NOTCH1: variants seen among roughly 807,000 people sequenced by gnomAD.
The protein encoded by NOTCH1 is notch receptor 1.
Under a neutral mutation model 254.8 loss-of-function variants are expected in NOTCH1, and 37 were observed. That is an observed-to-expected ratio of 0.15 (90% CI 0.11 to 0.19). The LOEUF is 0.19. Ranked by LOEUF, NOTCH1 falls within the 10% of genes least tolerant of loss-of-function variation. The probability of loss-of-function intolerance (pLI) is 1.00; values close to 1 mark genes in which losing one functional copy is unlikely to be tolerated. For synonymous variants in NOTCH1, 1,731 were observed against 1,618.1 expected (o/e 1.07, Z -1.68); for missense variants, 2,972 against 3,708.6 (o/e 0.80, Z 5.16).
chr9:136,508,784 G>T, intron 19 of NOTCH1, 86 bp downstream of exon 19: 2 of 1,292,278 alleles, frequency 1.5e-6, no homozygotes, highest in Non-Finnish European at 1.0e-6. Context: ...GACACAGTGG[G>T]ACCTGGGGTG....
At chr9:136,528,207 G>A (rs1354578184) in intron 2 of NOTCH1, among the ~76,000 whole-genome samples, 1 of 147,938 alleles carries the variant, frequency 6.8e-6, no homozygotes, top group Non-Finnish European at 1.5e-5. Context: ...CAGGGATGGG[G>A]GCACAGGCAG....
chr9:136,522,766 C>A (rs530877953), intron 4 of NOTCH1, 84 bp downstream of exon 4: 11 of 1,312,034 alleles, frequency 8.4e-6, no homozygotes, highest in African/African-American at 1.5e-5. Context: ...CCAGGGCTGC[C>A]CCTACACCAG....
At position 136,502,480 on chromosome 9, in the gene NOTCH1, C is replaced by T. The variant is rs995707317; in HGVS notation, c.5176G>A (p.Val1726Met). ...YKIEAVQSET[V>M]EPPPPAQLHF... Reference sequence around the variant, plus strand: ...AGCTGCGCCGGCGGGGGCGGCTCCACGGTCTCACCTGCGGGCACGGGGGCC... The same window carrying T: ...AGCTGCGCCGGCGGGGGCGGCTCCATGGTCTCACCTGCGGGCACGGGGGCC... Residue 1726 changes from valine (V) to methionine (M), a missense_variant, in exon 28 of 34, where the codon GTG (valine) becomes ATG (methionine). Val to Met is a conservative substitution (Grantham distance 21). Around this residue, in one of 8 missense-constraint regions of NOTCH1, gnomAD observed 421 missense variants for 604.4 expected, o/e 0.70. Transcript: ENST00000651671. 29 of 1,564,538 alleles carry T rather than the reference C, an allele frequency of 1.9e-5. No homozygotes were observed. Among genetic ancestry groups the T allele is most frequent in the Non-Finnish European group, 2.2e-5 (25 of 1,157,726 alleles).
At position 136,518,664 on chromosome 9, in the gene NOTCH1, G is replaced by A. The variant is rs755895298; in HGVS notation, c.1026C>T (p.Ala342=). 3.5e-5 allele frequency: 57 copies of A among 1,612,238 alleles called. No homozygotes were observed. The highest frequency in any genetic ancestry group is 1.3e-4 in the Admixed American group (8 of 59,968). The change falls in exon 6 of 34, where the codon GCC becomes GCT. Residue 342 remains alanine (A), a synonymous_variant. Transcript: ENST00000651671. Reference sequence around the variant, plus strand: ...GGCAGGTGGCGCCGTGGAAGCAGGCGGCGCTGGCACAGTCATCAATGTTCT... The same window carrying A: ...GGCAGGTGGCGCCGTGGAAGCAGGCAGCGCTGGCACAGTCATCAATGTTCT... ...CSENIDDCAS[A]ACFHGATCHD... is the part of the protein sequence containing the mutation.
At chr9:136,510,842 C>T in intron 16 of NOTCH1, 37 bp from the exon 17 acceptor site, 2 of 1,603,120 alleles carry the variant, frequency 1.2e-6, no homozygotes, top group South Asian at 1.1e-5. Context: ...TCACCAGCGG[C>T]CCCTGGCCCT....
chr9:136,505,180 T>G, intron 25 of NOTCH1, 76 bp from the exon 26 acceptor site: 1 of 1,545,430 alleles, frequency 6.5e-7, no homozygotes, highest in Non-Finnish European at 8.8e-7. Context: ...TCCAGCCCAC[T>G]GGCCAGCCGC....
chr9:136,542,097 G>T (rs772898232), intron 2 of NOTCH1, among the ~76,000 whole-genome samples: 4 of 152,230 alleles, frequency 2.6e-5, no homozygotes, highest in African/African-American at 4.8e-5. Context: ...CCCTGTGGCA[G>T]GGTTTTAACC....
chr9:136,518,349 C>T, intron 6 of NOTCH1, 57 bp from the exon 7 acceptor site: 1 of 1,563,784 alleles, frequency 6.4e-7, no homozygotes. Context: ...TGGCACACCA[C>T]CCACGGCTGG....
chr9:136,520,791 G>C (rs1376034093), intron 4 of NOTCH1, among the ~76,000 whole-genome samples: 2 of 152,044 alleles, frequency 1.3e-5, no homozygotes, highest in African/African-American at 4.8e-5. Context: ...TCATGTGTGG[G>C]GCCCTGCACC....
intron 2 of NOTCH1, among the ~76,000 whole-genome samples, chr9:136,541,879 G>A (rs377752787): frequency 2.1e-4 from 32 of 152,340 alleles, no homozygotes; most frequent in African/African-American, 7.5e-4. Context: ...TGTGCACAAT[G>A]GGGTCTCTGT....
rs2133401478 is a variant in NOTCH1, at chr9:136,540,328, G to C, written c.140+3696C>G. ...GGCGCTCAAACGTGTCTGTGAACTGGAGCCACCCTGGGAGATGGACTTCCC... is the reference window on the plus strand; with the variant it reads ...GGCGCTCAAACGTGTCTGTGAACTGCAGCCACCCTGGGAGATGGACTTCCC... On this transcript the variant is annotated intron_variant, in intron 2 of 33. Coordinates refer to ENST00000651671, the MANE Select transcript of NOTCH1 (RefSeq NM_017617.5). The surrounding 1 kb of genome is among the most constrained non-coding windows in gnomAD (Gnocchi z 4.4). Among the ~76,000 whole-genome samples the C allele has an allele frequency of 6.6e-6, 1 of 152,256 alleles. No homozygotes were observed. The highest frequency in any genetic ancestry group is 1.9e-4 in the East Asian group (1 of 5,170).
chr9:136,543,300 T>G (rs1259886293), intron 2 of NOTCH1: 2 of 173,836 alleles, frequency 1.2e-5, no homozygotes, highest in Non-Finnish European at 2.3e-5. Context: ...CTAGAGGAGG[T>G]ATCACCACCC....
chr9:136,543,413 AGAG>A (rs919351940), intron 2 of NOTCH1: 2 of 242,166 alleles, frequency 8.3e-6, no homozygotes, highest in Admixed American at 5.5e-5. Context: ...TCACGCACCC[AGAG>A]GAGGCATCAC....
At position 136,505,036 on chromosome 9, in the gene NOTCH1, G is replaced by A. The variant is rs748862853; in HGVS notation, c.4655C>T (p.Ala1552Val). The A allele has an allele frequency of 8.7e-6, 14 of 1,609,716 alleles. No homozygotes were observed. The highest frequency in any genetic ancestry group is 1.6e-4 in the Middle Eastern group (1 of 6,066). Residue 1552 changes from alanine (A) to valine (V), a missense_variant, in exon 26 of 34, where the codon GCG (alanine) becomes GTG (valine). Physicochemically the swap from Ala to Val is moderately conservative, Grantham distance 64. Coordinates refer to ENST00000651671, the MANE Select transcript of NOTCH1 (RefSeq NM_017617.5). ...DGHCDQGCNSAECEWDGLDCA... is the reference protein window; with the variant it reads ...DGHCDQGCNSVECEWDGLDCA... ...GTCCAGCCCGTCCCACTCGCACTCC[G>A]CGCTGTTGCAGCCCTGGTCGCAGTG...
chr9:136,545,834 T>C lies in NOTCH1; in HGVS notation c.-48A>G. 5 of 1,084,320 alleles carry C rather than the reference T, an allele frequency of 4.6e-6. No homozygotes were observed. The highest frequency in any genetic ancestry group is 4.7e-5 in the Admixed American group (1 of 21,258). The allele number at this position is 1,084,320 out of a possible 1,614,324, so 67.2% of individuals were successfully genotyped here. A position where few individuals can be genotyped will look rare whatever the true frequency, so the allele number is the denominator to read the frequency against. ...GCGCCCGGGCGGCGGCCTCCTGCGC[T>C]GGCCGGCGGGGCTGGGACGCACACG... On this transcript the variant is annotated 5_prime_UTR_variant, in exon 1 of 34. Coordinates refer to ENST00000651671, the MANE Select transcript of NOTCH1 (RefSeq NM_017617.5). This position sits in a 1 kb window ranked among gnomAD's most constrained non-coding sequence, Gnocchi z 6.8.
At chr9:136,517,532 C>T in intron 8 of NOTCH1, 147 bp from the exon 9 acceptor site, 2 of 821,706 alleles carry the variant, frequency 2.4e-6, no homozygotes, top group South Asian at 1.6e-5. Context: ...CCCCTGCAGC[C>T]CGTGGCCCCT....
At chr9:136,514,778 C>G in intron 12 of NOTCH1, 76 bp from the exon 13 acceptor site, 1 of 1,445,388 alleles carries the variant, frequency 6.9e-7, no homozygotes, top group Non-Finnish European at 9.5e-7. Context: ...ATTTCCCTGT[C>G]TGTTGAGCCG....
At chr9:136,522,421 T>A (rs142709227) in intron 4 of NOTCH1, among the ~76,000 whole-genome samples, 190 of 152,268 alleles carry the variant, frequency 1.2e-3, no homozygotes, top group Non-Finnish European at 2.2e-3. Context: ...CGCCTACCTG[T>A]CACCCACACC....
intron 2 of NOTCH1, among the ~76,000 whole-genome samples, chr9:136,524,288 A>G (rs1311220645): frequency 6.6e-6 from 1 of 152,220 alleles, no homozygotes; most frequent in Admixed American, 6.5e-5. Flanking sequence ...CCTGGGTGAC[A>G]GAGCAAGACT....
Sources: allele counts gnomAD v4.1 joint callset (sites outside exome capture counted in the v4.1 genomes callset), GRCh38; gene constraint gnomAD v4.1.1; regional missense constraint gnomAD v4.1.1; non-coding constraint Gnocchi (gnomAD v3.1); transcripts MANE v1.5; gene names NCBI Gene and HGNC (gene_info 2026-07-23, HGNC 2026-07-21).